Variants in AOPEP observed in about 807,000 individuals in gnomAD.
AOPEP encodes the protein aminopeptidase O (putative).
AOPEP carries 77 observed loss-of-function variants against 98.1 expected under a neutral mutation model. The ratio of observed to expected loss-of-function variants is 0.78; its 90% CI spans 0.65 to 0.95. The LOEUF (loss-of-function observed/expected upper bound fraction) is 0.95. Among genes scored for constraint, AOPEP ranks in the 40% least tolerant of loss-of-function variants. The probability of loss-of-function intolerance (pLI) is 0.00; values close to 1 mark genes in which losing one functional copy is unlikely to be tolerated. For synonymous variants in AOPEP, 346 were observed against 365.3 expected (o/e 0.95, Z 0.60); for missense variants, 1,024 against 1,024.7 (o/e 1.00, Z 0.01).
At chr9:94,992,466 TTTAAAG>T (rs1017044540) in intron 11 of AOPEP, among the ~76,000 whole-genome samples, 12 of 152,236 alleles carry the variant, frequency 7.9e-5, no homozygotes, top group Non-Finnish European at 1.2e-4. Context: ...ACAGCGTTAC[TTTAAAG>T]TTAATCAGCA....
chr9:94,776,136 G>A (rs1210360101), intron 3 of AOPEP, among the ~76,000 whole-genome samples: 1 of 151,892 alleles, frequency 6.6e-6, no homozygotes, highest in Non-Finnish European at 1.5e-5. Flanking sequence ...ACTTCCCCAG[G>A]CAACCAAGGT....
chr9:95,022,494 T>G (rs372162517), intron 13 of AOPEP, among the ~76,000 whole-genome samples: 262 of 152,292 alleles, frequency 1.7e-3, no homozygotes, highest in Non-Finnish European at 2.3e-3. Context: ...CCCGCCACCA[T>G]GCCTGGCTAA....
At chr9:94,883,634 A>T (rs907583793) in intron 5 of AOPEP, among the ~76,000 whole-genome samples, 1 of 152,210 alleles carries the variant, frequency 6.6e-6, no homozygotes, top group South Asian at 2.1e-4. Context: ...GCTTTCTCAG[A>T]ACAAATTTTA....
At chr9:94,896,503 C>T (rs2049582830) in intron 5 of AOPEP, among the ~76,000 whole-genome samples, 1 of 152,132 alleles carries the variant, frequency 6.6e-6, no homozygotes, top group African/African-American at 2.4e-5. Context: ...ACAGACTGGA[C>T]TGCTGCTTCT....
the AOPEP span, among the ~76,000 whole-genome samples, chr9:95,144,074 T>TA: frequency 2.6e-5 from 4 of 151,844 alleles, no homozygotes; most frequent in Admixed American, 6.6e-5. Flanking sequence ...AAACACGGGT[T>TA]AGAGTGCATT....
chr9:94,773,398 T>C, intron 3 of AOPEP: 1 of 387,886 alleles, frequency 2.6e-6, no homozygotes, highest in South Asian at 5.1e-5. Flanking sequence ...GTTCATAGAC[T>C]ATTTCAGCAG....
At chr9:95,146,798 G>T in the AOPEP span, among the ~76,000 whole-genome samples, 1 of 151,804 alleles carries the variant, frequency 6.6e-6, no homozygotes, top group Non-Finnish European at 1.5e-5. Context: ...TTCAAAGTGG[G>T]GTTCAAAGAA....
At chr9:94,799,358 C>T (rs1847715897) in intron 4 of AOPEP, among the ~76,000 whole-genome samples, 1 of 151,454 alleles carries the variant, frequency 6.6e-6, no homozygotes, top group Non-Finnish European at 1.5e-5. Flanking sequence ...AGTTTGAGAC[C>T]ACTCTGGGTT....
At chr9:95,022,846 C>T (rs1008831953) in intron 13 of AOPEP, among the ~76,000 whole-genome samples, 3 of 152,140 alleles carry the variant, frequency 2.0e-5, no homozygotes, top group Admixed American at 2.0e-4. Flanking sequence ...TTGCCCAGAA[C>T]ATGTGTGGTT....
chr9:95,077,819 A>G (rs4744440), intron 14 of AOPEP, among the ~76,000 whole-genome samples: 139,511 of 152,186 alleles, frequency 0.92, 64,042 homozygotes, highest in Middle Eastern at 0.97. Flanking sequence ...GACGAATGGC[A>G]TGCGAATTGT....
At chr9:95,073,833 T>G (rs1027456748) in intron 14 of AOPEP, among the ~76,000 whole-genome samples, 4 of 152,170 alleles carry the variant, frequency 2.6e-5, no homozygotes, top group Non-Finnish European at 4.4e-5. Flanking sequence ...TACTCCAGCC[T>G]GGCAACAAAG....
intron 5 of AOPEP, among the ~76,000 whole-genome samples, chr9:94,858,848 A>C (rs2044565262): frequency 6.6e-6 from 1 of 151,976 alleles, no homozygotes; most frequent in Non-Finnish European, 1.5e-5. Context: ...CAGGAGTTGG[A>C]GACCCGCCTG....
intron 5 of AOPEP, among the ~76,000 whole-genome samples, chr9:94,909,604 A>G (rs1416235852): frequency 1.3e-5 from 2 of 152,192 alleles, no homozygotes; most frequent in Admixed American, 1.3e-4. Flanking sequence ...ATTCCCAGAG[A>G]GAAGGCATCG....
chr9:94,996,357 T>TGC (rs1554797173), intron 11 of AOPEP, among the ~76,000 whole-genome samples: 2 of 116,672 alleles, frequency 1.7e-5, no homozygotes, highest in Non-Finnish European at 3.7e-5. Context: ...CCTCTGTGTG[T>TGC]GTGTGTGTGT....
intron 5 of AOPEP, among the ~76,000 whole-genome samples, chr9:94,861,166 G>C (rs2044920068): frequency 1.3e-5 from 2 of 152,164 alleles, no homozygotes; most frequent in Admixed American, 1.3e-4. Context: ...CGTACGGGGA[G>C]CTCTGGCCAA....
At chr9:94,774,918 G>A (rs1841744401) in intron 3 of AOPEP, among the ~76,000 whole-genome samples, 1 of 152,124 alleles carries the variant, frequency 6.6e-6, no homozygotes, top group African/African-American at 2.4e-5. Flanking sequence ...AGTTTCACAT[G>A]TCCTTATATG....
intron 5 of AOPEP, among the ~76,000 whole-genome samples, chr9:94,825,307 C>T (rs1040287123): frequency 1.3e-5 from 2 of 152,186 alleles, no homozygotes; most frequent in Admixed American, 6.5e-5. Flanking sequence ...TGCTGTTTTG[C>T]CTGTGCCTCT....
chr9:94,903,884 A>G lies in AOPEP; in HGVS notation c.1365-20102A>G, dbSNP rs2050760175. The stretch of plus-strand genomic sequence containing the variant: ...ACTCCAGCATGGGCAACAGAGTGAG[A>G]CTCTGTCTAAAAAAAAAAAAAAAAA... On this transcript the variant is annotated intron_variant, in intron 5 of 16. Coordinates refer to ENST00000375315, the MANE Select transcript of AOPEP (RefSeq NM_001193329.3). Among the ~76,000 whole-genome samples the G allele has an allele frequency of 4.3e-5, 3 of 70,474 alleles. No individual in the cohort carries two copies. The South Asian group carries it at 1.9e-3, about 44-fold the overall frequency. The allele number at this position is 70,474 out of a possible 152,430, so 46.2% of individuals were successfully genotyped here. A position where few individuals can be genotyped will look rare whatever the true frequency, so the allele number is the denominator to read the frequency against.
At chr9:94,826,746 G>A (rs934171207) in intron 5 of AOPEP, among the ~76,000 whole-genome samples, 4 of 152,126 alleles carry the variant, frequency 2.6e-5, no homozygotes, top group African/African-American at 9.7e-5. Context: ...AGGAGAAGAG[G>A]TATTGGTCAT....
Sources: gnomAD v4.1 joint callset for allele counts (sites outside exome capture counted in the v4.1 genomes callset) on GRCh38, gnomAD v4.1.1 for gene constraint, MANE v1.5 for transcripts, NCBI Gene and HGNC (gene_info 2026-07-23, HGNC 2026-07-21) for gene names.